Variants in POLR3A observed in about 807,000 individuals in gnomAD.
The protein encoded by POLR3A is DNA-directed RNA polymerase III subunit RPC1.
POLR3A carries 112 observed loss-of-function variants against 152.8 expected under a neutral mutation model. That is an observed-to-expected ratio of 0.73 (90% confidence interval 0.63 to 0.86). POLR3A has a LOEUF of 0.86. Ranked by LOEUF, POLR3A falls within the 40% of genes least tolerant of loss-of-function variation. The pLI is 0.00. For synonymous variants in POLR3A, 615 were observed against 652.1 expected (o/e 0.94, Z 0.87); for missense variants, 1,385 against 1,743.1 (o/e 0.79, Z 3.66).
At chr10:77,991,379 G>A (rs573172911) in intron 20 of POLR3A, among the ~76,000 whole-genome samples, 1 of 152,208 alleles carries the variant, frequency 6.6e-6, no homozygotes, top group African/African-American at 2.4e-5. Flanking sequence ...AAAATTTCTG[G>A]GCTATTCAGC....
chr10:77,985,883 C>T lies in POLR3A; in HGVS notation c.3071+20G>A, dbSNP rs1209607630. 1.9e-6 allele frequency: 3 copies of T among 1,595,260 alleles called. No homozygotes were observed. Among genetic ancestry groups the T allele is most frequent in the African/African-American group, 2.7e-5 (2 of 74,490 alleles). On this transcript the variant is annotated intron_variant, in intron 23 of 30. Coordinates refer to ENST00000372371, the MANE Select transcript of POLR3A (RefSeq NM_007055.4). Reference sequence around the variant, plus strand: ...AGACCTATGTGGATGACCGTCAGTCCAAGACAAAAGCATCCCTACCTCATG... The same window carrying T: ...AGACCTATGTGGATGACCGTCAGTCTAAGACAAAAGCATCCCTACCTCATG...
Position 77,976,412 on chromosome 10 carries a change from G to A in POLR3A, c.*1066C>T, listed in dbSNP as rs994110679. The A allele has an allele frequency of 2.6e-5, 4 of 152,230 alleles. No homozygotes were observed. Among genetic ancestry groups the A allele is most frequent in the African/African-American group, 9.6e-5 (4 of 41,538 alleles). 9.4% of individuals were successfully genotyped at this position (152,230 alleles called of 1,614,324 possible). ...CCCAAAGTGCTGGGATTATAGGTAT[G>A]AGCCACAGCACCCAGCCCAAACTAC... On this transcript the variant is annotated 3_prime_UTR_variant, in exon 31 of 31. Coordinates refer to ENST00000372371, the MANE Select transcript of POLR3A (RefSeq NM_007055.4).
intron 12 of POLR3A, 134 bp downstream of exon 12, chr10:78,010,337 A>T (rs1564620360): frequency 1.2e-6 from 1 of 808,414 alleles, no homozygotes; most frequent in Non-Finnish European, 2.2e-6. Context: ...GTTCATGATC[A>T]AACTTAGTAA....
At chr10:77,990,813 C>T (rs906596060) in intron 21 of POLR3A, among the ~76,000 whole-genome samples, 23 of 152,078 alleles carry the variant, frequency 1.5e-4, no homozygotes, top group African/African-American at 5.1e-4. Context: ...AGGGTCTCAT[C>T]GTGTTGGCCA....
chr10:77,992,576 G>A (rs1847260135), intron 20 of POLR3A, among the ~76,000 whole-genome samples: 1 of 151,244 alleles, frequency 6.6e-6, no homozygotes, highest in Non-Finnish European at 1.5e-5. Flanking sequence ...CCAAGTAGCT[G>A]GGATTATAGG....
At position 77,980,128 on chromosome 10, in the gene POLR3A, A is replaced by T. The variant is rs750812548; in HGVS notation, c.4024+13T>A. ...AAGGCCTTTGATGCTGTTCATAGAA[A>T]CATCAAACCTACCACACACAGAGTC... On this transcript the variant is annotated intron_variant, in intron 30 of 30. Coordinates refer to ENST00000372371, the MANE Select transcript of POLR3A (RefSeq NM_007055.4). The T allele has an allele frequency of 2.5e-5, 40 of 1,612,830 alleles. No individual in the cohort carries two copies. In the South Asian group the frequency reaches 3.8e-4, roughly 15 times the overall value.
chr10:78,000,207 C>T lies in POLR3A; in HGVS notation c.2479-89G>A. 8 of 1,136,282 alleles carry T rather than the reference C, an allele frequency of 7.0e-6. 1 individual carries two copies. In the South Asian group the frequency reaches 1.0e-4, roughly 15 times the overall value. 70.4% of individuals were successfully genotyped at this position (1,136,282 alleles called of 1,614,324 possible). A position where few individuals can be genotyped will look rare whatever the true frequency, so the allele number is the denominator to read the frequency against. ...CCACTCAAATCAGAAAATGCCCCAC[C>T]TTGAGACTATAAATACCTGGCCAGT... On this transcript the variant is annotated intron_variant, in intron 18 of 30. Coordinates refer to ENST00000372371, the MANE Select transcript of POLR3A (RefSeq NM_007055.4).
intron 19 of POLR3A, among the ~76,000 whole-genome samples, chr10:77,999,455 A>G (rs1382792077): frequency 6.6e-6 from 1 of 152,174 alleles, no homozygotes; most frequent in Non-Finnish European, 1.5e-5. Context: ...TGAGAAGCAC[A>G]AATGCTGAGA....
rs370390390 is a variant in POLR3A at position 78,029,355 on chromosome 10, C to T, written c.44+9G>A. On this transcript the variant is annotated intron_variant, in intron 1 of 30. Coordinates refer to ENST00000372371, the MANE Select transcript of POLR3A (RefSeq NM_007055.4). ...TCTCAGCCCTTTGGCCACTCTTACT[C>T]CGTCTTACATTTTCTTGGCCACATC... 1.2e-6 allele frequency: 2 copies of T among 1,614,134 alleles called. No homozygotes were observed. Among genetic ancestry groups the T allele is most frequent in the Non-Finnish European group, 1.7e-6 (2 of 1,180,020 alleles).
At chr10:78,020,228 T>C (rs1363607529) in intron 8 of POLR3A, 1 of 146,708 alleles carries the variant, frequency 6.8e-6, no homozygotes, top group Non-Finnish European at 1.5e-5. Context: ...GTAATCTCAG[T>C]GACTTTCAGT....
At chr10:77,992,688 G>A (rs374404705) in intron 20 of POLR3A, among the ~76,000 whole-genome samples, 1 of 151,598 alleles carries the variant, frequency 6.6e-6, no homozygotes, top group South Asian at 2.1e-4. Flanking sequence ...TGATCTGCCC[G>A]ATGTCTGGCT....
chr10:77,975,902 A>T lies in POLR3A; in HGVS notation c.*1576T>A, dbSNP rs1359800118. The T allele has an allele frequency of 6.6e-6, 1 of 151,640 alleles. No individual in the cohort carries two copies. Among genetic ancestry groups the T allele is most frequent in the Non-Finnish European group, 1.5e-5 (1 of 67,890 alleles). The allele number at this position is 151,640 out of a possible 1,614,324, so 9.4% of individuals were successfully genotyped here. On this transcript the variant is annotated 3_prime_UTR_variant, in exon 31 of 31. Coordinates refer to ENST00000372371, the MANE Select transcript of POLR3A (RefSeq NM_007055.4). ...AACTGGTGATCTCGGTGGGGTCTCA[A>T]GTAGAAGCCCTGAATTAGTGTTCAT...
rs572099367 is a variant in POLR3A at position 78,010,343 on chromosome 10, A to G, written c.1642+128T>C. 151 of 829,186 alleles carry G rather than the reference A, an allele frequency of 1.8e-4. 1 individual carries two copies. The African/African-American group carries it at 2.1e-3, about 11-fold the overall frequency. 51.4% of individuals were successfully genotyped at this position (829,186 alleles called of 1,614,324 possible). ...CACGGGGAGGTTCATGATCAAACTT[A>G]GTAAACAAAAAACCAAATTAAACAC... On this transcript the variant is annotated intron_variant, in intron 12 of 30. Transcript: ENST00000372371.
At chr10:77,989,740 C>T (rs559051560) in intron 21 of POLR3A, among the ~76,000 whole-genome samples, 3 of 152,100 alleles carry the variant, frequency 2.0e-5, no homozygotes, top group Non-Finnish European at 4.4e-5. Flanking sequence ...TACGTTACCT[C>T]GTTATAGCTT....
rs546288305 is a variant in POLR3A at position 78,016,352 on chromosome 10, T to C, written c.1431+1223A>G. Reference sequence around the variant, plus strand: ...GGGAGGCTAAGGTGGGAGGATCCATTGAGCACAGGAGATTGCGACCCATCT... The same window carrying C: ...GGGAGGCTAAGGTGGGAGGATCCATCGAGCACAGGAGATTGCGACCCATCT... On this transcript the variant is annotated intron_variant, in intron 10 of 30. Transcript: ENST00000372371. 5.3e-5 allele frequency among the ~76,000 whole-genome samples: 8 copies of C among 150,408 alleles called. No individual in the cohort carries two copies. In the South Asian group the frequency reaches 1.5e-3, roughly 28 times the overall value.
intron 24 of POLR3A, among the ~76,000 whole-genome samples, chr10:77,984,889 A>G (rs1408977959): frequency 6.6e-6 from 1 of 152,240 alleles, no homozygotes; most frequent in East Asian, 1.9e-4. Flanking sequence ...CTCCACTGAC[A>G]CATTGCTCCA....
At chr10:77,987,972 C>CT (rs1369884563) in intron 21 of POLR3A, among the ~76,000 whole-genome samples, 1 of 152,326 alleles carries the variant, frequency 6.6e-6, no homozygotes, top group Admixed American at 6.5e-5. Flanking sequence ...TCTTCAAAGT[C>CT]TTTTCTCTGA....
chr10:77,977,822 C>T (rs1847104357), intron 30 of POLR3A, among the ~76,000 whole-genome samples, 196 bp from the exon 31 acceptor site: 1 of 152,186 alleles, frequency 6.6e-6, no homozygotes, highest in African/African-American at 2.4e-5. Flanking sequence ...GGATTCTGCA[C>T]TTTCAGGGAA....
chr10:77,985,872 G>A, intron 23 of POLR3A, 31 bp downstream of exon 23: 1 of 1,527,616 alleles, frequency 6.5e-7, no homozygotes, highest in Non-Finnish European at 9.1e-7. Context: ...CTATGTGGAT[G>A]ACCGTCAGTC....
Sources: gnomAD v4.1 joint callset for allele counts (sites outside exome capture counted in the v4.1 genomes callset) on GRCh38, gnomAD v4.1.1 for gene constraint, MANE v1.5 for transcripts, NCBI Gene and HGNC (gene_info 2026-07-23, HGNC 2026-07-21) for gene names.